NELL1: variants seen among roughly 807,000 people sequenced by gnomAD.
The protein encoded by NELL1 is neural EGFL like 1.
In NELL1, 76 loss-of-function variants were observed where a neutral mutation model predicts 107.4. The observed-to-expected ratio is 0.71, with a 90% CI of 0.59 to 0.86. The LOEUF (loss-of-function observed/expected upper bound fraction) is 0.86. Ranked by LOEUF, NELL1 falls within the 40% of genes least tolerant of loss-of-function variation. The pLI is 0.00. For missense variants in NELL1, 1,024 were observed against 1,005.5 expected, an observed-to-expected ratio of 1.02 and a Z score of -0.25; for synonymous variants, 353 against 341.2, an observed-to-expected ratio of 1.03 and a Z score of -0.38.
At chr11:21,107,973 C>T (rs1309296964) in intron 12 of NELL1, among the ~76,000 whole-genome samples, 1 of 152,094 alleles carries the variant, frequency 6.6e-6, no homozygotes, top group African/African-American at 2.4e-5. Context: ...GTCATAAGAA[C>T]CTTGGTTGAA....
At chr11:20,842,170 A>G (rs1848633713) in intron 3 of NELL1, among the ~76,000 whole-genome samples, 1 of 152,080 alleles carries the variant, frequency 6.6e-6, no homozygotes, top group Admixed American at 6.5e-5. Context: ...TGAGGTCAGG[A>G]GTTCGAGACC....
intron 15 of NELL1, among the ~76,000 whole-genome samples, chr11:21,431,499 T>C (rs754487118): frequency 6.6e-6 from 1 of 152,224 alleles, no homozygotes; most frequent in East Asian, 1.9e-4. Flanking sequence ...ATTGACTATA[T>C]GAATAGAAGA....
chr11:21,113,605 A>G lies in NELL1; in HGVS notation c.1317A>G (p.Ala439=). 2 of 1,611,650 alleles carry G rather than the reference A, an allele frequency of 1.2e-6. No homozygotes were observed. Among genetic ancestry groups the G allele is most frequent in the Non-Finnish European group, 1.7e-6 (2 of 1,178,452 alleles). Residue 439 remains alanine (A), a synonymous_variant, in exon 13 of 20, where the codon GCA becomes GCG. Transcript: ENST00000357134. ...TTCCTTCAGATATTGATGAGTGTGCAGCTAAGATGCATTACTGTCATGCCA... is the reference window on the plus strand; with the variant it reads ...TTCCTTCAGATATTGATGAGTGTGCGGCTAAGATGCATTACTGTCATGCCA... ...SAYCEDIDEC[A]AKMHYCHANT...
chr11:21,323,056 T>G (rs1850049898), intron 14 of NELL1, among the ~76,000 whole-genome samples: 1 of 152,190 alleles, frequency 6.6e-6, no homozygotes, highest in African/African-American at 2.4e-5. Context: ...TAAAATTCTC[T>G]AATGCATGGA....
intron 14 of NELL1, among the ~76,000 whole-genome samples, chr11:21,274,995 G>A (rs542533276): frequency 2.6e-5 from 4 of 152,140 alleles, no homozygotes; most frequent in Admixed American, 6.5e-5. Flanking sequence ...AAGAACTAGG[G>A]AAGCAAGAGC....
intron 14 of NELL1, among the ~76,000 whole-genome samples, chr11:21,324,295 T>C (rs1049378067): frequency 1.3e-5 from 2 of 152,104 alleles, no homozygotes; most frequent in African/African-American, 4.8e-5. Context: ...TTTGACTCTA[T>C]TTTATTTTCC....
At chr11:21,336,647 G>GTA (rs1350044303) in intron 14 of NELL1, among the ~76,000 whole-genome samples, 1 of 70,676 alleles carries the variant, frequency 1.4e-5, no homozygotes, top group African/African-American at 4.2e-5. Context: ...CTTCATATGT[G>GTA]TGTGTATATA....
At chr11:21,263,771 C>A (rs1306550935) in intron 14 of NELL1, among the ~76,000 whole-genome samples, 1 of 151,888 alleles carries the variant, frequency 6.6e-6, no homozygotes, top group Non-Finnish European at 1.5e-5. Flanking sequence ...CTTGGCTTTT[C>A]TCACTGAGTG....
At position 20,919,279 on chromosome 11, in the gene NELL1, G is replaced by A. The variant is rs141620459; in HGVS notation, c.704G>A (p.Ser235Asn). The A allele has an allele frequency of 2.5e-6, 4 of 1,604,706 alleles. No homozygotes were observed. Among genetic ancestry groups the A allele is most frequent in the Non-Finnish European group, 2.6e-6 (3 of 1,174,440 alleles). The change falls in exon 7 of 20, where the codon AGC becomes AAC. Residue 235 changes from serine (S) to asparagine (N), a missense_variant. Ser to Asn is a conservative substitution (Grantham distance 46). Coordinates refer to ENST00000357134, the MANE Select transcript of NELL1 (RefSeq NM_006157.5). ...TGCCCAACCTGCAGTGATTTCTTAA[G>A]CCTGGTGCAAGGAATAATGGATTTA... The part of the protein sequence containing the change: ...HTCPTCSDFL[S>N]LVQGIMDLQE...
intron 15 of NELL1, among the ~76,000 whole-genome samples, chr11:21,440,705 T>A (rs1853261418): frequency 6.6e-6 from 1 of 152,154 alleles, no homozygotes; most frequent in Non-Finnish European, 1.5e-5. Flanking sequence ...AGCTGAAGAA[T>A]TCGTGTGCTA....
chr11:20,960,327 A>G, intron 11 of NELL1, 105 bp from the exon 12 acceptor site: 1 of 1,175,940 alleles, frequency 8.5e-7, no homozygotes. Context: ...GCCAAAGTGT[A>G]TTTTCCTGCA....
At chr11:21,307,133 GC>G (rs1280046119) in intron 14 of NELL1, among the ~76,000 whole-genome samples, 1 of 151,954 alleles carries the variant, frequency 6.6e-6, no homozygotes. Flanking sequence ...GCTGTAATGA[GC>G]CTTGGTGACC....
chr11:21,485,946 C>T (rs1854620214), intron 15 of NELL1, among the ~76,000 whole-genome samples: 2 of 152,102 alleles, frequency 1.3e-5, no homozygotes, highest in African/African-American at 4.8e-5. Flanking sequence ...CAGCTAGTAC[C>T]TACCTGTACA....
At chr11:20,993,681 ATAATACT>A (rs1203036062) in intron 12 of NELL1, among the ~76,000 whole-genome samples, 1 of 152,226 alleles carries the variant, frequency 6.6e-6, no homozygotes, top group Non-Finnish European at 1.5e-5. Flanking sequence ...TAGATTACTG[ATAATACT>A]TAATAAAATG....
intron 12 of NELL1, among the ~76,000 whole-genome samples, chr11:21,104,148 C>G (rs1201685876): frequency 6.6e-6 from 1 of 152,186 alleles, no homozygotes; most frequent in African/African-American, 2.4e-5. Context: ...GAAGCACTCA[C>G]TGGGTTTGTT....
chr11:21,283,231 A>C (rs768470349), intron 14 of NELL1, among the ~76,000 whole-genome samples: 1 of 152,216 alleles, frequency 6.6e-6, no homozygotes, highest in Non-Finnish European at 1.5e-5. Context: ...ATTTACCCTC[A>C]TGTGATTATT....
chr11:20,771,060 A>G (rs568892565), intron 2 of NELL1, among the ~76,000 whole-genome samples: 133 of 151,852 alleles, frequency 8.8e-4, no homozygotes, highest in Non-Finnish European at 1.8e-3. Flanking sequence ...AAGAAATTAC[A>G]TATTTGAAGC....
chr11:20,783,449 A>G (rs945177817), intron 2 of NELL1, among the ~76,000 whole-genome samples: 1 of 152,238 alleles, frequency 6.6e-6, no homozygotes, highest in Non-Finnish European at 1.5e-5. Context: ...TTTGCATTGA[A>G]TGAATGCAGC....
chr11:21,162,705 G>T lies in NELL1; in HGVS notation c.1426+48991G>T, dbSNP rs558670974. On this transcript the variant is annotated intron_variant, in intron 13 of 19. Coordinates refer to ENST00000357134, the MANE Select transcript of NELL1 (RefSeq NM_006157.5). ...AGATATTACTCACAGAATTATTGGCGGTGATGGGGCTGGGTGGTGTCTCAT... is the reference window on the plus strand; with the variant it reads ...AGATATTACTCACAGAATTATTGGCTGTGATGGGGCTGGGTGGTGTCTCAT... 2.7e-3 allele frequency among the ~76,000 whole-genome samples: 417 copies of T among 152,226 alleles called. 2 individuals are homozygous for T. The highest frequency in any genetic ancestry group is 9.8e-3 in the African/African-American group (408 of 41,534).
Sources: allele counts gnomAD v4.1 joint callset (sites outside exome capture counted in the v4.1 genomes callset), GRCh38; gene constraint gnomAD v4.1.1; transcripts MANE v1.5; gene names NCBI Gene and HGNC (gene_info 2026-07-23, HGNC 2026-07-21).